LEKR1: variants seen among roughly 807,000 people sequenced by gnomAD.
LEKR1 encodes the protein protein LEKR1.
Under a neutral mutation model 72.4 loss-of-function variants are expected in LEKR1, and 59 were observed. That is an observed-to-expected ratio of 0.82 (90% confidence interval 0.66 to 1.01). The LOEUF (loss-of-function observed/expected upper bound fraction) is 1.01, where lower values mean the gene tolerates loss of function less well. Among genes scored for constraint, LEKR1 ranks in the 50% least tolerant of loss-of-function variants. The probability of loss-of-function intolerance (pLI) is 0.00; values close to 1 mark genes in which losing one functional copy is unlikely to be tolerated. For missense variants in LEKR1, 728 were observed against 759.2 expected (o/e 0.96, Z 0.48); for synonymous variants, 257 against 263.2 (o/e 0.98, Z 0.23).
intron 3 of LEKR1, among the ~76,000 whole-genome samples, chr3:156,868,602 T>C (rs879312804): frequency 2.0e-5 from 3 of 152,032 alleles, no homozygotes; most frequent in Non-Finnish European, 4.4e-5. Context: ...AAGAGATGCA[T>C]AGAATGTGTA....
At chr3:157,041,909 C>T (rs1008842539) in intron 12 of LEKR1, among the ~76,000 whole-genome samples, 1 of 152,188 alleles carries the variant, frequency 6.6e-6, no homozygotes, top group Admixed American at 6.5e-5. Flanking sequence ...ATTCTTTTCA[C>T]GTATGATGGA....
At chr3:156,966,305 G>A (rs901144924) in intron 6 of LEKR1, among the ~76,000 whole-genome samples, 9 of 152,092 alleles carry the variant, frequency 5.9e-5, no homozygotes, top group Non-Finnish European at 1.2e-4. Flanking sequence ...GCAGCACACC[G>A]AGTGTGAGCT....
chr3:156,928,037 T>G (rs537316017), intron 5 of LEKR1, among the ~76,000 whole-genome samples: 8 of 152,140 alleles, frequency 5.3e-5, no homozygotes, highest in African/African-American at 1.9e-4. Context: ...AAGTGAAAGA[T>G]GCCAATTTGA....
At chr3:156,918,197 T>C (rs1723836238) in intron 3 of LEKR1, among the ~76,000 whole-genome samples, 1 of 152,184 alleles carries the variant, frequency 6.6e-6, no homozygotes, top group Non-Finnish European at 1.5e-5. Context: ...TTAACTATAT[T>C]GGGAGGATTA....
intron 5 of LEKR1, among the ~76,000 whole-genome samples, chr3:156,929,944 G>A (rs62275809): frequency 0.032 from 4,827 of 152,164 alleles, 114 homozygotes; most frequent in Non-Finnish European, 0.047. Flanking sequence ...TTTGACATTG[G>A]ATAAAATCTA....
At chr3:156,978,811 A>G (rs1729926185) in intron 6 of LEKR1, among the ~76,000 whole-genome samples, 1 of 152,214 alleles carries the variant, frequency 6.6e-6, no homozygotes, top group Non-Finnish European at 1.5e-5. Flanking sequence ...ACAGTTCCAG[A>G]CCACAAAAGT....
chr3:156,899,008 G>T (rs564905170), intron 3 of LEKR1, among the ~76,000 whole-genome samples: 31 of 152,178 alleles, frequency 2.0e-4, no homozygotes, highest in Admixed American at 5.2e-4. Flanking sequence ...TTGCTTTGTT[G>T]TTTAATGGGA....
intron 3 of LEKR1, among the ~76,000 whole-genome samples, chr3:156,865,807 G>T (rs4680309): frequency 0.84 from 128,205 of 151,968 alleles, 54,245 homozygotes; most frequent in African/African-American, 0.91. Context: ...CACCTTACAC[G>T]TTTTTTCCTG....
At chr3:156,975,589 G>C (rs56126252) in intron 6 of LEKR1, among the ~76,000 whole-genome samples, 10,823 of 152,088 alleles carry the variant, frequency 0.071, 490 homozygotes, top group African/African-American at 0.12. Context: ...TTTTATATTT[G>C]TAGTTTCTAG....
intron 2 of LEKR1, chr3:156,852,167 A>G (rs9809108): frequency 6.6e-6 from 1 of 152,080 alleles, no homozygotes; most frequent in East Asian, 1.9e-4. Context: ...TCAGTTTTTT[A>G]AAAAAAGTCT....
rs557507793 is a variant in LEKR1 at position 156,971,071 on chromosome 3, G to C, written c.746-8123G>C. Among the ~76,000 whole-genome samples the C allele has an allele frequency of 3.1e-4, 47 of 152,080 alleles. No homozygotes were observed. In the East Asian group the frequency reaches 6.0e-3, roughly 19 times the overall value. On this transcript the variant is annotated intron_variant, in intron 6 of 12. Transcript: ENST00000356539. The stretch of plus-strand genomic sequence containing the variant: ...AAAAGAACAAAGCTGGAGGCATCAC[G>C]CTACCTGACTTCAAACTATACTACA...
At chr3:156,979,091 T>G (rs1576937599) in intron 6 of LEKR1, 103 bp from the exon 7 acceptor site, 1 of 473,280 alleles carries the variant, frequency 2.1e-6, no homozygotes, top group Admixed American at 2.8e-5. Flanking sequence ...AGCTGCCTTA[T>G]TCTTCAGGAG....
intron 3 of LEKR1, among the ~76,000 whole-genome samples, chr3:156,863,333 A>G (rs1049524249): frequency 1.1e-4 from 17 of 152,124 alleles, no homozygotes; most frequent in African/African-American, 3.9e-4. Flanking sequence ...GAGGCAGCAA[A>G]ATTATTTTAA....
At chr3:156,999,145 A>G (rs900682504) in intron 9 of LEKR1, among the ~76,000 whole-genome samples, 1 of 152,104 alleles carries the variant, frequency 6.6e-6, no homozygotes, top group Non-Finnish European at 1.5e-5. Flanking sequence ...AAGTTTCCTG[A>G]GGCCTCCCAA....
chr3:156,854,200 G>A (rs184723691), intron 3 of LEKR1, among the ~76,000 whole-genome samples: 21 of 138,480 alleles, frequency 1.5e-4, no homozygotes, highest in Admixed American at 2.4e-4. Flanking sequence ...CTGGAGTGCA[G>A]TGTCGTGATC....
chr3:157,036,551 A>G (rs1024492491), intron 12 of LEKR1, among the ~76,000 whole-genome samples: 2 of 152,182 alleles, frequency 1.3e-5, no homozygotes, highest in African/African-American at 4.8e-5. Context: ...CTACCCTGGC[A>G]GCCTTTTTCA....
At chr3:156,859,620 A>T (rs2108541385) in intron 3 of LEKR1, among the ~76,000 whole-genome samples, 1 of 152,330 alleles carries the variant, frequency 6.6e-6, no homozygotes, top group South Asian at 2.1e-4. Flanking sequence ...AGTTTACATT[A>T]CGTTTTACTC....
intron 12 of LEKR1, among the ~76,000 whole-genome samples, chr3:157,043,613 G>A (rs937594896): frequency 1.3e-5 from 2 of 152,196 alleles, no homozygotes; most frequent in Admixed American, 1.3e-4. Context: ...TTACATAACA[G>A]TGTGAGCTTC....
intron 4 of LEKR1, chr3:156,921,168 G>A (rs1159661138): frequency 9.2e-5 from 14 of 152,128 alleles, no homozygotes; most frequent in South Asian, 2.1e-4. Flanking sequence ...AAAATCCAGC[G>A]TTCTAAAGAA....
Sources: allele counts gnomAD v4.1 joint callset (sites outside exome capture counted in the v4.1 genomes callset), GRCh38; gene constraint gnomAD v4.1.1; transcripts MANE v1.5; gene names NCBI Gene and HGNC (gene_info 2026-07-23, HGNC 2026-07-21).